The following HDAC4 variants were observed in gnomAD, a reference collection of about 807,000 sequenced individuals.
HDAC4 encodes histone deacetylase 4, also known as histone deacetylase A.
HDAC4 carries 16 observed loss-of-function variants against 135.1 expected under a neutral mutation model. That is an observed-to-expected ratio of 0.12 (90% CI 0.08 to 0.18). The LOEUF (loss-of-function observed/expected upper bound fraction) is 0.18, where lower values mean the gene tolerates loss of function less well. HDAC4 is among the 10% of genes least tolerant of loss of function. The pLI, the probability that HDAC4 is intolerant of heterozygous loss-of-function variation, is 1.00. For missense variants in HDAC4, 1,143 were observed against 1,511.8 expected, an observed-to-expected ratio of 0.76 and a Z score of 4.05; for synonymous variants, 685 against 653.4, an observed-to-expected ratio of 1.05 and a Z score of -0.74.
intron 16 of HDAC4, among the ~76,000 whole-genome samples, chr2:239,095,429 G>A (rs1452250680): frequency 6.6e-6 from 1 of 152,184 alleles, no homozygotes; most frequent in Non-Finnish European, 1.5e-5. Context: ...TCCTGCTCCA[G>A]GACCCCGAGC....
intron 2 of HDAC4, among the ~76,000 whole-genome samples, chr2:239,243,351 A>G (rs2048298757): frequency 6.6e-6 from 1 of 152,040 alleles, no homozygotes; most frequent in Non-Finnish European, 1.5e-5. Context: ...ACGGGGTTTC[A>G]CCATGTTAGC....
chr2:239,365,890 C>T (rs1426709421), intron 1 of HDAC4, among the ~76,000 whole-genome samples: 1 of 149,318 alleles, frequency 6.7e-6, no homozygotes, highest in East Asian at 2.0e-4. Flanking sequence ...GGGGGACACA[C>T]AGAGACATGC....
chr2:239,181,679 G>T (rs899065692), intron 4 of HDAC4, among the ~76,000 whole-genome samples: 7 of 152,186 alleles, frequency 4.6e-5, no homozygotes, highest in Non-Finnish European at 1.0e-4. Flanking sequence ...CCCAGGCCAG[G>T]CTGCCTGGCT....
intron 16 of HDAC4, 108 bp downstream of exon 16, chr2:239,102,668 T>C (rs769815757): frequency 6.2e-6 from 8 of 1,291,022 alleles, no homozygotes; most frequent in Non-Finnish European, 7.8e-6. Flanking sequence ...CCTTATAACC[T>C]GGCAGGCGAC....
At chr2:239,156,515 T>G in intron 7 of HDAC4, 137 bp downstream of exon 7, 1 of 1,075,862 alleles carries the variant, frequency 9.3e-7, no homozygotes, top group Admixed American at 1.9e-5. Context: ...CGATGCTCTA[T>G]GAAAGGAGAA....
At chr2:239,298,030 G>C in intron 2 of HDAC4, 2 of 421,784 alleles carry the variant, frequency 4.7e-6, no homozygotes. Flanking sequence ...ACCAAAAAAA[G>C]GCAGGAATTA....
chr2:239,260,109 TTTGG>T (rs1575548099), intron 2 of HDAC4, among the ~76,000 whole-genome samples: 2 of 152,302 alleles, frequency 1.3e-5, no homozygotes, highest in East Asian at 3.9e-4. Context: ...AGCAATTCCT[TTTGG>T]TGAAGTTCAG....
At chr2:239,366,209 C>T (rs1216963818) in intron 1 of HDAC4, among the ~76,000 whole-genome samples, 3 of 138,270 alleles carry the variant, frequency 2.2e-5, no homozygotes, top group African/African-American at 8.2e-5. Context: ...TGCATGCACA[C>T]AGCAGGGTTG....
intron 1 of HDAC4, among the ~76,000 whole-genome samples, chr2:239,365,503 G>A (rs1252057678): frequency 1.3e-5 from 2 of 152,216 alleles, no homozygotes; most frequent in African/African-American, 4.8e-5. Context: ...CGGAAGATCA[G>A]ATACCAAGAG....
At chr2:239,062,709 C>T (rs1002453499) in intron 24 of HDAC4, among the ~76,000 whole-genome samples, 7 of 152,228 alleles carry the variant, frequency 4.6e-5, no homozygotes, top group African/African-American at 1.4e-4. Context: ...GAAGAAAGGA[C>T]CTGTAAAGTG....
chr2:239,162,835 G>A (rs948851598), intron 6 of HDAC4, among the ~76,000 whole-genome samples: 1 of 152,156 alleles, frequency 6.6e-6, no homozygotes, highest in Non-Finnish European at 1.5e-5. Context: ...AAACAAGGGG[G>A]ATCGCGTCTG....
chr2:239,060,849 C>T (rs2032589830), intron 24 of HDAC4, among the ~76,000 whole-genome samples: 1 of 152,238 alleles, frequency 6.6e-6, no homozygotes, highest in Non-Finnish European at 1.5e-5. Context: ...CACGCAGGCT[C>T]CTTTACAGAG....
chr2:239,179,618 C>T (rs181506160), intron 4 of HDAC4, among the ~76,000 whole-genome samples: 4 of 152,282 alleles, frequency 2.6e-5, no homozygotes, highest in Admixed American at 6.5e-5. Context: ...AGGTCGGGAC[C>T]GATTGCCGCT....
chr2:239,380,072 C>G (rs1362716624), intron 1 of HDAC4, among the ~76,000 whole-genome samples: 2 of 152,210 alleles, frequency 1.3e-5, no homozygotes, highest in African/African-American at 4.8e-5. Context: ...GGGATGAGAC[C>G]TGGGGTCGGG....
intron 12 of HDAC4, among the ~76,000 whole-genome samples, chr2:239,123,947 T>A (rs2039908801): frequency 6.6e-6 from 1 of 150,858 alleles, no homozygotes; most frequent in Non-Finnish European, 1.5e-5. Flanking sequence ...CAGAAGACCC[T>A]GAGCCTCCGG....
chr2:239,369,371 C>A (rs886526000), intron 1 of HDAC4, among the ~76,000 whole-genome samples: 4 of 152,100 alleles, frequency 2.6e-5, no homozygotes, highest in Non-Finnish European at 5.9e-5. Context: ...GGGTGGGCAG[C>A]CCGGGAGCCA....
At chr2:239,170,347 C>T (rs1162025633) in intron 5 of HDAC4, among the ~76,000 whole-genome samples, 1 of 152,160 alleles carries the variant, frequency 6.6e-6, no homozygotes, top group Non-Finnish European at 1.5e-5. Context: ...ACTGAATTTA[C>T]TTAATAGTTA....
At chr2:239,355,335 C>A (rs1358526610) in intron 1 of HDAC4, among the ~76,000 whole-genome samples, 2 of 152,212 alleles carry the variant, frequency 1.3e-5, no homozygotes, top group Non-Finnish European at 2.9e-5. Flanking sequence ...GGTGACACAT[C>A]TGTTGTTTAT....
intron 1 of HDAC4, among the ~76,000 whole-genome samples, chr2:239,378,755 C>T (rs1695206592): frequency 1.3e-5 from 2 of 152,210 alleles, no homozygotes; most frequent in African/African-American, 4.8e-5. Flanking sequence ...AACCAATGAC[C>T]CCGGCATGTC....
Sources: gnomAD v4.1 joint callset for allele counts (sites outside exome capture counted in the v4.1 genomes callset) on GRCh38, gnomAD v4.1.1 for gene constraint, MANE v1.5 for transcripts, NCBI Gene and HGNC (gene_info 2026-07-23, HGNC 2026-07-21) for gene names.